Variants in FNDC3B observed in about 807,000 individuals in gnomAD.
The protein encoded by FNDC3B is fibronectin type III domain containing 3B, also known as fibronectin type III domain-containing protein 3B.
A neutral mutation model predicts 151.5 loss-of-function variants in FNDC3B; 12 were observed. That is an observed-to-expected ratio of 0.08 (90% CI 0.05 to 0.13). The LOEUF (loss-of-function observed/expected upper bound fraction) is 0.13, where lower values mean the gene tolerates loss of function less well. Ranked by LOEUF, FNDC3B falls within the 10% of genes least tolerant of loss-of-function variation. The pLI, the probability that FNDC3B is intolerant of heterozygous loss-of-function variation, is 1.00. For missense variants in FNDC3B, 1,214 were observed against 1,505.3 expected, an observed-to-expected ratio of 0.81 and a Z score of 3.20; for synonymous variants, 528 against 549.0, an observed-to-expected ratio of 0.96 and a Z score of 0.54.
At chr3:172,196,818 T>C (rs1241397561) in intron 3 of FNDC3B, among the ~76,000 whole-genome samples, 1 of 152,200 alleles carries the variant, frequency 6.6e-6, no homozygotes, top group Admixed American at 6.5e-5. Flanking sequence ...TCAGAGTAAG[T>C]GAGTTAATTA....
At chr3:172,364,096 T>C (rs1734490258) in intron 23 of FNDC3B, among the ~76,000 whole-genome samples, 2 of 152,204 alleles carry the variant, frequency 1.3e-5, no homozygotes, top group Admixed American at 1.3e-4. Context: ...AAAGCTTCTT[T>C]TGATAGGTTC....
intron 2 of FNDC3B, among the ~76,000 whole-genome samples, chr3:172,130,014 G>A (rs1350420316): frequency 1.3e-5 from 2 of 151,756 alleles, no homozygotes; most frequent in African/African-American, 4.8e-5. Context: ...GAGGGGGAGA[G>A]AGAGAAATTG....
At chr3:172,189,498 T>A (rs1185090332) in intron 3 of FNDC3B, among the ~76,000 whole-genome samples, 2 of 152,170 alleles carry the variant, frequency 1.3e-5, no homozygotes, top group Middle Eastern at 3.2e-3. Context: ...TAATAATAAA[T>A]GAGAGTTCCA....
intron 3 of FNDC3B, among the ~76,000 whole-genome samples, chr3:172,200,550 A>T (rs527698139): frequency 6.6e-6 from 1 of 152,302 alleles, no homozygotes; most frequent in Non-Finnish European, 1.5e-5. Flanking sequence ...CTTTATTATA[A>T]AATAGTGTTT....
intron 3 of FNDC3B, among the ~76,000 whole-genome samples, chr3:172,177,090 G>A (rs1352323203): frequency 1.3e-5 from 2 of 152,190 alleles, no homozygotes; most frequent in Admixed American, 1.3e-4. Flanking sequence ...TATTGGAGAT[G>A]ATCAGAAATT....
intron 3 of FNDC3B, among the ~76,000 whole-genome samples, chr3:172,150,625 T>C (rs552346936): frequency 6.6e-6 from 1 of 152,216 alleles, no homozygotes; most frequent in South Asian, 2.1e-4. Flanking sequence ...TAAATGTCTC[T>C]ACAAAAGAGA....
At chr3:172,045,730 G>A (rs1228951883) in intron 1 of FNDC3B, among the ~76,000 whole-genome samples, 1 of 151,830 alleles carries the variant, frequency 6.6e-6, no homozygotes, top group African/African-American at 2.4e-5. Flanking sequence ...TCACTTAGGT[G>A]GTTGAGGAGA....
At chr3:172,159,817 A>G (rs1178945227) in intron 3 of FNDC3B, among the ~76,000 whole-genome samples, 12 of 152,228 alleles carry the variant, frequency 7.9e-5, no homozygotes, top group Non-Finnish European at 1.8e-4. Context: ...TCGTTTGTGT[A>G]TTTTAAGAAA....
chr3:172,066,967 C>T (rs1457720363), intron 1 of FNDC3B, among the ~76,000 whole-genome samples: 1 of 152,138 alleles, frequency 6.6e-6, no homozygotes. Context: ...TTGAGACATA[C>T]ACAATATTCT....
chr3:172,133,391 G>T, intron 2 of FNDC3B, 80 bp from the exon 3 acceptor site: 3 of 1,063,670 alleles, frequency 2.8e-6, no homozygotes, highest in Non-Finnish European at 1.4e-6. Flanking sequence ...TTCCTGTCTA[G>T]TATATAAATT....
intron 23 of FNDC3B, among the ~76,000 whole-genome samples, chr3:172,371,525 T>A (rs1734883902): frequency 6.6e-6 from 1 of 152,226 alleles, no homozygotes; most frequent in South Asian, 2.1e-4. Flanking sequence ...CTCAAACAAG[T>A]TATGGGCAGA....
At chr3:172,367,844 A>G (rs1374803159) in intron 23 of FNDC3B, among the ~76,000 whole-genome samples, 2 of 152,178 alleles carry the variant, frequency 1.3e-5, no homozygotes, top group African/African-American at 2.4e-5. Flanking sequence ...CAAGCCTCCC[A>G]TGAAATTGGG....
chr3:172,200,442 T>C (rs1725087406), intron 3 of FNDC3B, among the ~76,000 whole-genome samples: 2 of 152,260 alleles, frequency 1.3e-5, no homozygotes, highest in African/African-American at 4.8e-5. Flanking sequence ...GGTGCAAATG[T>C]GATATGCATT....
intron 7 of FNDC3B, among the ~76,000 whole-genome samples, chr3:172,286,800 A>C (rs1012628578): frequency 2.0e-5 from 3 of 152,142 alleles, no homozygotes; most frequent in African/African-American, 7.2e-5. Context: ...TTTTGAGCAA[A>C]GAAGTTATGT....
chr3:172,397,028 A>G, intron 25 of FNDC3B, 136 bp from the exon 26 acceptor site: 1 of 664,724 alleles, frequency 1.5e-6, no homozygotes, highest in East Asian at 2.8e-5. Context: ...AGAGAAGTAC[A>G]TTTTTATATC....
chr3:172,372,147 A>C (rs779652622), intron 23 of FNDC3B, among the ~76,000 whole-genome samples: 3 of 152,184 alleles, frequency 2.0e-5, no homozygotes, highest in Non-Finnish European at 2.9e-5. Context: ...AGGCCAGCTT[A>C]CTGCAGAGCT....
At chr3:172,165,503 AAT>A (rs1290864155) in intron 3 of FNDC3B, among the ~76,000 whole-genome samples, 1 of 152,208 alleles carries the variant, frequency 6.6e-6, no homozygotes, top group Non-Finnish European at 1.5e-5. Flanking sequence ...TGTGTGATTG[AAT>A]ATGTTTTATA....
At chr3:172,239,905 G>A (rs570789201) in intron 4 of FNDC3B, among the ~76,000 whole-genome samples, 24 of 95,958 alleles carry the variant, frequency 2.5e-4, no homozygotes, top group Non-Finnish European at 4.5e-4. Context: ...GTCTTACTCT[G>A]TCACCCAGGC....
At chr3:172,259,200 A>G (rs950652562) in intron 6 of FNDC3B, among the ~76,000 whole-genome samples, 2 of 152,352 alleles carry the variant, frequency 1.3e-5, no homozygotes, top group East Asian at 1.9e-4. Context: ...CTGGCTGCCA[A>G]TTACAGTCTG....
Sources: allele counts gnomAD v4.1 joint callset (sites outside exome capture counted in the v4.1 genomes callset), GRCh38; gene constraint gnomAD v4.1.1; transcripts MANE v1.5; gene names NCBI Gene and HGNC (gene_info 2026-07-23, HGNC 2026-07-21).